The following MAGI1 variants were observed in gnomAD, a reference collection of about 807,000 sequenced individuals.
MAGI1 encodes membrane-associated guanylate kinase, WW and PDZ domain-containing protein 1.
In MAGI1, 58 loss-of-function variants were observed where a neutral mutation model predicts 139.9. The observed-to-expected ratio is 0.41, with a 90% CI of 0.34 to 0.52. The LOEUF (loss-of-function observed/expected upper bound fraction) is 0.52. Ranked by LOEUF, MAGI1 falls within the 20% of genes least tolerant of loss-of-function variation. MAGI1 has a pLI of 0.12. For missense variants in MAGI1, 1,874 were observed against 1,901.6 expected, an observed-to-expected ratio of 0.99 and a Z score of 0.27; for synonymous variants, 812 against 737.9, an observed-to-expected ratio of 1.10 and a Z score of -1.63.
chr3:65,854,468 T>C (rs2059307942), intron 1 of MAGI1, among the ~76,000 whole-genome samples: 1 of 152,156 alleles, frequency 6.6e-6, no homozygotes, highest in East Asian at 1.9e-4. Context: ...TCCATGAAAA[T>C]CCTGAGTTCT....
At chr3:65,824,293 T>G (rs2042108121) in intron 1 of MAGI1, among the ~76,000 whole-genome samples, 1 of 152,208 alleles carries the variant, frequency 6.6e-6, no homozygotes, top group Admixed American at 6.5e-5. Context: ...TGGCCAGAGC[T>G]GCAGATGTGC....
rs1196036620 is a variant in MAGI1 at position 65,379,678 on chromosome 3, C to T, written c.2702-124G>A. On this transcript the variant is annotated intron_variant, in intron 16 of 22. Transcript: ENST00000402939. The stretch of plus-strand genomic sequence containing the variant: ...GTGAACCGAGGGGAGGAGACAGCAC[C>T]TGGTTTCACAATACCTGGATATACG... 1.2e-5 allele frequency: 18 copies of T among 1,463,370 alleles called. No homozygotes were observed. In the African/African-American group the frequency reaches 2.1e-4, roughly 17 times the overall value. 90.6% of individuals were successfully genotyped at this position (1,463,370 alleles called of 1,614,324 possible). A position where few individuals can be genotyped will look rare whatever the true frequency, so the allele number is the denominator to read the frequency against.
chr3:65,523,951 T>C (rs2078273498), intron 2 of MAGI1, among the ~76,000 whole-genome samples: 1 of 151,768 alleles, frequency 6.6e-6, no homozygotes, highest in Non-Finnish European at 1.5e-5. Flanking sequence ...AACGCAAAGA[T>C]CACATGAAAC....
intron 2 of MAGI1, among the ~76,000 whole-genome samples, chr3:65,536,530 G>A (rs1025746832): frequency 8.5e-5 from 13 of 152,100 alleles, no homozygotes; most frequent in Non-Finnish European, 1.5e-4. Context: ...GAGCTAATAC[G>A]GTAGGGTGAG....
intron 1 of MAGI1, among the ~76,000 whole-genome samples, chr3:65,630,483 A>C (rs1359858086): frequency 6.6e-6 from 1 of 152,168 alleles, no homozygotes; most frequent in Non-Finnish European, 1.5e-5. Flanking sequence ...AAAGAGAAGC[A>C]CTAGTGGATA....
chr3:65,360,479 T>A, intron 22 of MAGI1: 1 of 985,050 alleles, frequency 1.0e-6, no homozygotes, highest in Non-Finnish European at 1.2e-6. Flanking sequence ...TCAAATCAAG[T>A]CTAAAGATAT....
intron 1 of MAGI1, among the ~76,000 whole-genome samples, chr3:65,969,497 G>A (rs1415760128): frequency 6.6e-6 from 1 of 152,184 alleles, no homozygotes; most frequent in Non-Finnish European, 1.5e-5. Context: ...TGACCTGGGA[G>A]AAACTGAACT....
At chr3:65,659,473 A>AT (rs2086070495) in intron 1 of MAGI1, among the ~76,000 whole-genome samples, 2 of 152,110 alleles carry the variant, frequency 1.3e-5, no homozygotes, top group East Asian at 3.9e-4. Flanking sequence ...CCACACACTC[A>AT]CCAGTGCCAG....
chr3:65,838,398 C>T (rs975050676), intron 1 of MAGI1, among the ~76,000 whole-genome samples: 2 of 152,210 alleles, frequency 1.3e-5, no homozygotes, highest in African/African-American at 4.8e-5. Context: ...AGTGCATACA[C>T]ACCTCTCCAC....
rs565502018 is a variant in MAGI1, at chr3:65,801,630, TCTC to T, written c.314-179545_314-179543del. Among the ~76,000 whole-genome samples, 239 of 152,260 alleles carry T rather than the reference TCTC, an allele frequency of 1.6e-3. 2 individuals are homozygous for T. The highest frequency in any genetic ancestry group is 5.6e-3 in the African/African-American group (233 of 41,544). On this transcript the variant is annotated intron_variant, in intron 1 of 22. Coordinates refer to ENST00000402939, the MANE Select transcript of MAGI1 (RefSeq NM_001033057.2). ...TCTAACAGCTCCTCGACCAATCACT[TCTC>T]CTACATTCTAACCCAATGGCTCTCA...
chr3:65,530,210 G>C (rs1303500782), intron 2 of MAGI1, among the ~76,000 whole-genome samples: 1 of 152,094 alleles, frequency 6.6e-6, no homozygotes, highest in African/African-American at 2.4e-5. Flanking sequence ...GTGCTACTTT[G>C]AATGTCACTT....
intron 1 of MAGI1, among the ~76,000 whole-genome samples, chr3:65,629,341 A>G (rs1020279628): frequency 6.6e-6 from 1 of 152,198 alleles, no homozygotes; most frequent in Non-Finnish European, 1.5e-5. Flanking sequence ...CACATCCAGA[A>G]GGTCAAAGAA....
At chr3:65,833,928 G>GA (rs992805205) in intron 1 of MAGI1, among the ~76,000 whole-genome samples, 4 of 152,206 alleles carry the variant, frequency 2.6e-5, no homozygotes, top group African/African-American at 9.6e-5. Context: ...CTGTAGCAGT[G>GA]AAAATATCTT....
intron 2 of MAGI1, among the ~76,000 whole-genome samples, chr3:65,620,767 C>T (rs1576504313): frequency 6.6e-6 from 1 of 152,344 alleles, no homozygotes; most frequent in East Asian, 1.9e-4. Flanking sequence ...CAGAGGCAAC[C>T]TTGGGGCCCT....
chr3:66,003,335 A>C (rs145659226), intron 1 of MAGI1, among the ~76,000 whole-genome samples: 1 of 152,140 alleles, frequency 6.6e-6, no homozygotes, highest in East Asian at 2.0e-4. Flanking sequence ...TGGAGAGTGG[A>C]GATTTGGCTT....
chr3:65,548,468 C>A (rs1318981784), intron 2 of MAGI1, among the ~76,000 whole-genome samples: 1 of 150,204 alleles, frequency 6.7e-6, no homozygotes, highest in Non-Finnish European at 1.5e-5. Context: ...TTCAACTCCT[C>A]TCCATTTGCT....
intron 1 of MAGI1, among the ~76,000 whole-genome samples, chr3:66,021,233 G>T (rs762325496): frequency 6.6e-6 from 1 of 152,106 alleles, no homozygotes; most frequent in Non-Finnish European, 1.5e-5. Context: ...ATGTGGCTAG[G>T]GAATAAAATA....
At chr3:66,006,822 T>TTTTGA (rs72085853) in intron 1 of MAGI1, among the ~76,000 whole-genome samples, 5 of 150,664 alleles carry the variant, frequency 3.3e-5, no homozygotes, top group Non-Finnish European at 7.4e-5. Context: ...TTTTGTTTTG[T>TTTTGA]TTTGTTTTGT....
chr3:65,381,230 T>A (rs1943025887), intron 16 of MAGI1, among the ~76,000 whole-genome samples: 1 of 152,142 alleles, frequency 6.6e-6, no homozygotes, highest in African/African-American at 2.4e-5. Flanking sequence ...GTCACTAGAA[T>A]GGCAAGGAGG....
Sources: allele counts gnomAD v4.1 joint callset (sites outside exome capture counted in the v4.1 genomes callset), GRCh38; gene constraint gnomAD v4.1.1; transcripts MANE v1.5; gene names NCBI Gene and HGNC (gene_info 2026-07-23, HGNC 2026-07-21).